The following ST7 variants were observed in gnomAD, a reference collection of about 807,000 sequenced individuals.
ST7 encodes the protein suppressor of tumorigenicity 7 protein.
ST7 carries 28 observed loss-of-function variants against 78.7 expected under a neutral mutation model. The ratio of observed to expected loss-of-function variants is 0.36; its 90% confidence interval spans 0.26 to 0.49. The LOEUF (loss-of-function observed/expected upper bound fraction) is 0.49. Among genes scored for constraint, ST7 ranks in the 20% least tolerant of loss-of-function variants. ST7 has a pLI of 0.99. For missense variants in ST7, 418 were observed against 696.0 expected (o/e 0.60, Z 4.49); for synonymous variants, 247 against 249.6 (o/e 0.99, Z 0.10).
intron 1 of ST7, among the ~76,000 whole-genome samples, chr7:117,060,151 G>T (rs949959851): frequency 1.3e-5 from 2 of 152,120 alleles, no homozygotes; most frequent in African/African-American, 4.8e-5. Flanking sequence ...CAAGTGCAGT[G>T]GGATCTTTTG....
At chr7:116,975,179 A>C (rs9771438) in intron 1 of ST7, among the ~76,000 whole-genome samples, 1 of 152,136 alleles carries the variant, frequency 6.6e-6, no homozygotes. Context: ...CATGTCTTAC[A>C]TGGTAGCAGG....
intron 1 of ST7, among the ~76,000 whole-genome samples, chr7:117,007,807 C>T (rs968834900): frequency 6.6e-6 from 1 of 152,158 alleles, no homozygotes; most frequent in Non-Finnish European, 1.5e-5. Context: ...TTAAACAACT[C>T]CCCATTTTCT....
At chr7:117,062,878 A>C (rs1028419275) in intron 1 of ST7, among the ~76,000 whole-genome samples, 3 of 152,222 alleles carry the variant, frequency 2.0e-5, no homozygotes, top group African/African-American at 7.2e-5. Context: ...CTGCCATTTT[A>C]GTTGGAATTA....
intron 1 of ST7, among the ~76,000 whole-genome samples, chr7:117,028,353 A>G (rs1336862482): frequency 2.0e-5 from 3 of 152,196 alleles, no homozygotes; most frequent in African/African-American, 7.2e-5. Context: ...TGAGCATTTC[A>G]GACTGTTAAG....
intron 1 of ST7, among the ~76,000 whole-genome samples, chr7:117,059,313 A>T (rs890277645): frequency 6.6e-6 from 1 of 152,226 alleles, no homozygotes; most frequent in Non-Finnish European, 1.5e-5. Flanking sequence ...TTATAAATAC[A>T]TATCTACTAT....
chr7:117,171,252 T>C (rs1584511859), intron 10 of ST7, among the ~76,000 whole-genome samples: 1 of 152,240 alleles, frequency 6.6e-6, no homozygotes, highest in East Asian at 1.9e-4. Flanking sequence ...TCTACTCTGC[T>C]CTATTACCTC....
intron 6 of ST7, 45 bp from the exon 7 acceptor site, chr7:117,134,078 TC>T: frequency 1.2e-6 from 2 of 1,606,918 alleles, no homozygotes; most frequent in Non-Finnish European, 1.7e-6. Context: ...CTCTGAATGT[TC>T]CTATCAATTT....
At chr7:116,961,947 CCT>C (rs1792856546) in intron 1 of ST7, among the ~76,000 whole-genome samples, 1 of 151,834 alleles carries the variant, frequency 6.6e-6, no homozygotes. Context: ...CCCCCCACCC[CCT>C]GACTGGCCCT....
chr7:117,020,456 C>A, intron 1 of ST7: 1 of 825,998 alleles, frequency 1.2e-6, no homozygotes, highest in Non-Finnish European at 1.8e-6. Context: ...GGCAGCTGGA[C>A]ACAGCTTGGA....
At chr7:117,162,085 C>T (rs1201316327) in intron 9 of ST7, among the ~76,000 whole-genome samples, 3 of 152,080 alleles carry the variant, frequency 2.0e-5, no homozygotes, top group East Asian at 1.9e-4. Flanking sequence ...ATGTGTTCAT[C>T]TTATCTTTCT....
chr7:117,120,776 G>C (rs1338907610), intron 3 of ST7, among the ~76,000 whole-genome samples: 1 of 151,772 alleles, frequency 6.6e-6, no homozygotes, highest in African/African-American at 2.4e-5. Context: ...CTTTATTGTA[G>C]TATCTCTAGC....
intron 1 of ST7, among the ~76,000 whole-genome samples, chr7:116,977,930 T>C (rs1035224578): frequency 3.9e-5 from 6 of 152,250 alleles, no homozygotes; most frequent in Non-Finnish European, 7.3e-5. Context: ...CTTTCTATAC[T>C]GTTATTTCTT....
intron 1 of ST7, among the ~76,000 whole-genome samples, chr7:117,033,932 G>C (rs1252826125): frequency 6.6e-6 from 1 of 151,926 alleles, no homozygotes; most frequent in Non-Finnish European, 1.5e-5. Flanking sequence ...CGTTTTTATT[G>C]TTGTTGTTCT....
intron 12 of ST7, among the ~76,000 whole-genome samples, chr7:117,192,842 A>T (rs1809919502): frequency 6.6e-6 from 1 of 152,208 alleles, no homozygotes; most frequent in African/African-American, 2.4e-5. Flanking sequence ...TGACACAGTT[A>T]ACTAGGATTC....
chr7:117,192,614 G>T (rs1809889558), intron 12 of ST7, among the ~76,000 whole-genome samples: 1 of 152,084 alleles, frequency 6.6e-6, no homozygotes, highest in East Asian at 1.9e-4. Context: ...AATGGTTGGG[G>T]GCTCCTCATA....
chr7:117,137,729 T>A (rs1295151420), intron 8 of ST7, among the ~76,000 whole-genome samples: 1 of 152,186 alleles, frequency 6.6e-6, no homozygotes, highest in Non-Finnish European at 1.5e-5. Flanking sequence ...TATCGAGGAT[T>A]AAGCACATGC....
rs1228822390 is a variant in ST7, at chr7:117,152,184, TA to T, written c.963+13653del. ...GTATTATATATATAAAAACTATATATATATATATATATATATATATATATAT... is the reference window on the plus strand; with the variant it reads ...GTATTATATATATAAAAACTATATATTATATATATATATATATATATATAT... On this transcript the variant is annotated intron_variant, in intron 9 of 15. Transcript: ENST00000323984. Among the ~76,000 whole-genome samples, 337 of 68,130 alleles carry T rather than the reference TA, an allele frequency of 4.9e-3. 4 individuals carry two copies. The highest frequency in any genetic ancestry group is 0.015 in the African/African-American group (316 of 20,636). The allele number at this position is 68,130 out of a possible 152,430, so 44.7% of individuals were successfully genotyped here. A position where few individuals can be genotyped will look rare whatever the true frequency, so the allele number is the denominator to read the frequency against.
intron 9 of ST7, among the ~76,000 whole-genome samples, chr7:117,170,608 G>A (rs1448688499): frequency 1.3e-5 from 2 of 152,078 alleles, no homozygotes; most frequent in African/African-American, 4.8e-5. Context: ...TTGAACCCAG[G>A]AGGTGGAGGT....
chr7:116,981,133 C>T (rs1412174571), intron 1 of ST7, among the ~76,000 whole-genome samples: 1 of 151,334 alleles, frequency 6.6e-6, no homozygotes, highest in African/African-American at 2.4e-5. Flanking sequence ...TTTAAATAGA[C>T]AATCTTGCTC....
Sources: allele counts gnomAD v4.1 joint callset (sites outside exome capture counted in the v4.1 genomes callset), GRCh38; gene constraint gnomAD v4.1.1; transcripts MANE v1.5; gene names NCBI Gene and HGNC (gene_info 2026-07-23, HGNC 2026-07-21).